The following ALG1L2 variants were observed in gnomAD, a reference collection of about 807,000 sequenced individuals.
The protein encoded by ALG1L2 is ALG1 chitobiosyldiphosphodolichol beta-mannosyltransferase like 2.
ALG1L2 carries 32 observed loss-of-function variants against 29.0 expected under a neutral mutation model. The observed-to-expected ratio is 1.10, with a 90% CI of 0.83 to 1.48. The LOEUF is 1.48. Among genes scored for constraint, ALG1L2 ranks in the 40% most tolerant of loss-of-function variants. The pLI, the probability that ALG1L2 is intolerant of heterozygous loss-of-function variation, is 0.00. For synonymous variants in ALG1L2, 110 were observed against 109.5 expected (o/e 1.00, Z -0.03); for missense variants, 318 against 274.1 (o/e 1.16, Z -1.13).
intron 4 of ALG1L2, chr3:130,094,062 G>A: frequency 6.0e-6 from 2 of 335,896 alleles, no homozygotes; most frequent in South Asian, 2.7e-5. Flanking sequence ...TGCCAGGGCA[G>A]AGGGAGTCCT....
chr3:130,084,471 G>A (rs1374128157), intron 1 of ALG1L2, among the ~76,000 whole-genome samples: 2 of 140,488 alleles, frequency 1.4e-5, no homozygotes, highest in Non-Finnish European at 3.2e-5. Context: ...AAGTGACCAT[G>A]AGCAAATTAC....
intron 1 of ALG1L2, among the ~76,000 whole-genome samples, chr3:130,085,491 C>A (rs1298550271): frequency 7.2e-6 from 1 of 137,954 alleles, no homozygotes; most frequent in African/African-American, 2.5e-5. Context: ...CTTGCCTCAG[C>A]CTCCCAAAGT....
rs770815651 is a variant in ALG1L2 at position 130,094,364 on chromosome 3, G to C, written c.314-39G>C. ...GGCCTGGGGCTATGTGGCAGGGACA[G>C]AGACGGGTTCATGGCAGTGTCTGCT... On this transcript the variant is annotated intron_variant, in intron 4 of 7. Coordinates refer to ENST00000425059, the MANE Select transcript of ALG1L2 (RefSeq NM_001136152.1). 9 of 1,581,606 alleles carry C rather than the reference G, an allele frequency of 5.7e-6. No homozygotes were observed. The East Asian group carries it at 8.9e-5, about 16-fold the overall frequency.
Position 130,082,028 on chromosome 3 carries a change from T to C in ALG1L2, c.12T>C (p.Thr4=), listed in dbSNP as rs772308755. The change falls in exon 1 of 8, where the codon ACT becomes ACC. Residue 4 remains threonine (T), a synonymous_variant. Coordinates refer to ENST00000425059, the MANE Select transcript of ALG1L2 (RefSeq NM_001136152.1). MGA[T]AGWAVTVYDK... ...TAACCTGAAGGGACATGGGAGCTACTGCAGGCTGGTAAGCAGGGGGGTGGT... is the reference window on the plus strand; with the variant it reads ...TAACCTGAAGGGACATGGGAGCTACCGCAGGCTGGTAAGCAGGGGGGTGGT... The C allele has an allele frequency of 7.0e-4, 1,057 of 1,509,910 alleles. 7 individuals are homozygous for C. The highest frequency in any genetic ancestry group is 9.0e-4 in the Non-Finnish European group (1,003 of 1,112,140). The allele number at this position is 1,509,910 out of a possible 1,614,324, so 93.5% of individuals were successfully genotyped here. A position where few individuals can be genotyped will look rare whatever the true frequency, so the allele number is the denominator to read the frequency against.
At chr3:130,087,934 C>T (rs553683188) in intron 1 of ALG1L2, among the ~76,000 whole-genome samples, 278 of 152,374 alleles carry the variant, frequency 1.8e-3, no homozygotes, top group African/African-American at 6.4e-3. Context: ...AAAACACACC[C>T]CAAGGTCATT....
At chr3:130,090,127 A>G (rs1380326703) in intron 1 of ALG1L2, among the ~76,000 whole-genome samples, 1 of 152,294 alleles carries the variant, frequency 6.6e-6, no homozygotes, top group Non-Finnish European at 1.5e-5. Flanking sequence ...CGGCCGAGGC[A>G]GGAGGATTAC....
At chr3:130,094,734 C>A (rs1935093846) in intron 5 of ALG1L2, among the ~76,000 whole-genome samples, 1 of 152,202 alleles carries the variant, frequency 6.6e-6, no homozygotes, top group South Asian at 2.1e-4. Context: ...GAGGAAGCCA[C>A]GTCCTTTCAG....
At chr3:130,095,126 C>T (rs1405397383) in intron 5 of ALG1L2, among the ~76,000 whole-genome samples, 1 of 152,126 alleles carries the variant, frequency 6.6e-6, no homozygotes, top group African/African-American at 2.4e-5. Context: ...CTCCTGGGTT[C>T]AAGCAATTCT....
intron 3 of ALG1L2, 49 bp downstream of exon 3, chr3:130,092,271 C>A: frequency 6.3e-7 from 1 of 1,590,602 alleles, no homozygotes; most frequent in South Asian, 1.1e-5. Context: ...GGGCACCTGG[C>A]CAACCTGTAT....
intron 1 of ALG1L2, among the ~76,000 whole-genome samples, chr3:130,083,507 T>A (rs148037130): frequency 2.3e-5 from 3 of 130,356 alleles, no homozygotes; most frequent in African/African-American, 7.7e-5. Context: ...AACGTCTCAC[T>A]GTTTCTGTGA....
chr3:130,090,421 G>A, intron 1 of ALG1L2, among the ~76,000 whole-genome samples: 2 of 152,300 alleles, frequency 1.3e-5, no homozygotes, highest in Non-Finnish European at 1.5e-5. Flanking sequence ...AATCAGCTTT[G>A]GACCCTGAAT....
At chr3:130,083,990 T>C (rs1239110189) in intron 1 of ALG1L2, among the ~76,000 whole-genome samples, 14 of 151,528 alleles carry the variant, frequency 9.2e-5, no homozygotes, top group Non-Finnish European at 1.3e-4. Context: ...AAATCCAGCA[T>C]TGAAGGACCG....
In ALG1L2 at chr3:130,083,658, CTT is replaced by C. The variant is rs141314012; in HGVS notation, c.20+1630_20+1631del. ...CCATGCTAGTAATTTAAAATGTTAA[CTT>C]TTTTTTTACTTGGAAGGACATTAAA... On this transcript the variant is annotated intron_variant, in intron 1 of 7. Coordinates refer to ENST00000425059, the MANE Select transcript of ALG1L2 (RefSeq NM_001136152.1). Among the ~76,000 whole-genome samples, 12 of 118,768 alleles carry C rather than the reference CTT, an allele frequency of 1.0e-4. No homozygotes were observed. The East Asian group carries it at 2.4e-3, about 24-fold the overall frequency. 77.9% of individuals were successfully genotyped at this position (118,768 alleles called of 152,430 possible).
intron 6 of ALG1L2, 37 bp from the exon 7 acceptor site, chr3:130,097,138 C>T (rs988549558): frequency 6.2e-7 from 1 of 1,610,306 alleles, no homozygotes; most frequent in Non-Finnish European, 8.5e-7. Flanking sequence ...AGTGTCTTCT[C>T]CAGGAAACTC....
intron 3 of ALG1L2, 150 bp downstream of exon 3, chr3:130,092,372 G>T: frequency 6.2e-7 from 1 of 1,600,036 alleles, no homozygotes; most frequent in Non-Finnish European, 8.5e-7. Flanking sequence ...GTGGTGTCTA[G>T]AAACAGGCCC....
intron 5 of ALG1L2, 23 bp from the exon 6 acceptor site, chr3:130,096,026 G>A (rs9758051): frequency 0.64 from 1,021,387 of 1,593,472 alleles, 334,332 homozygotes; most frequent in Middle Eastern, 0.74. Context: ...CAGCGCTCTG[G>A]CCACACCCCT....
At chr3:130,092,605 G>T (rs543267340) in intron 3 of ALG1L2, among the ~76,000 whole-genome samples, 3 of 152,296 alleles carry the variant, frequency 2.0e-5, no homozygotes, top group African/African-American at 4.8e-5. Flanking sequence ...CCCCAGTTGG[G>T]TCATTGAGTG....
chr3:130,091,110 AG>A (rs1302340641), intron 1 of ALG1L2, 150 bp from the exon 2 acceptor site: 1 of 713,586 alleles, frequency 1.4e-6, no homozygotes, highest in East Asian at 2.7e-5. Flanking sequence ...TCAGGTCTTT[AG>A]GGGAAATTTC....
chr3:130,089,108 G>A (rs199574075), intron 1 of ALG1L2, among the ~76,000 whole-genome samples: 7 of 144,986 alleles, frequency 4.8e-5, no homozygotes, highest in South Asian at 4.5e-4. Flanking sequence ...TTCATAGGAC[G>A]AAATTCTGGG....
Sources: gnomAD v4.1 joint callset for allele counts (sites outside exome capture counted in the v4.1 genomes callset) on GRCh38, gnomAD v4.1.1 for gene constraint, MANE v1.5 for transcripts, NCBI Gene and HGNC (gene_info 2026-07-23, HGNC 2026-07-21) for gene names.